LIN7A: variants seen among roughly 807,000 people sequenced by gnomAD.
LIN7A encodes the protein lin-7 cell polarity scaffold A.
Under a neutral mutation model 29.8 loss-of-function variants are expected in LIN7A, and 25 were observed. The ratio of observed to expected loss-of-function variants is 0.84; its 90% CI spans 0.61 to 1.17. The LOEUF (loss-of-function observed/expected upper bound fraction) is 1.17. Among genes scored for constraint, LIN7A ranks in the 50% most tolerant of loss-of-function variants. The pLI, the probability that LIN7A is intolerant of heterozygous loss-of-function variation, is 0.00. For synonymous variants in LIN7A, 118 were observed against 107.5 expected (o/e 1.10, Z -0.60); for missense variants, 239 against 287.0 (o/e 0.83, Z 1.21).
rs1209180588 is a variant in LIN7A, at chr12:80,842,190, T to TC, written c.483+3539dup. The TC allele has an allele frequency of 1.3e-5, 15 of 1,167,154 alleles. No individual in the cohort carries two copies. In the East Asian group the frequency reaches 2.9e-4, roughly 23 times the overall value. The allele number at this position is 1,167,154 out of a possible 1,614,324, so 72.3% of individuals were successfully genotyped here. A position where few individuals can be genotyped will look rare whatever the true frequency, so the allele number is the denominator to read the frequency against. Reference sequence around the variant, plus strand: ...TTGTCTTTATTTTTATTTATTGATTTCCCCCCCTTTCCATCACACTTTATA... The same window carrying TC: ...TTGTCTTTATTTTTATTTATTGATTTCCCCCCCCTTTCCATCACACTTTATA... On this transcript the variant is annotated intron_variant, in intron 4 of 5. Coordinates refer to ENST00000552864, the MANE Select transcript of LIN7A (RefSeq NM_004664.4).
At chr12:80,925,424 A>C (rs1192140805) in intron 1 of LIN7A, among the ~76,000 whole-genome samples, 1 of 152,190 alleles carries the variant, frequency 6.6e-6, no homozygotes, top group African/African-American at 2.4e-5. Context: ...AAGGCAGCAA[A>C]CATTCTCTGT....
intron 2 of LIN7A, among the ~76,000 whole-genome samples, chr12:80,888,050 A>AG (rs1875424053): frequency 6.6e-6 from 1 of 152,118 alleles, no homozygotes. Context: ...TTTCCCACTG[A>AG]GGGGAAGCTA....
At position 80,937,703 on chromosome 12, in the gene LIN7A, G is replaced by T; in HGVS notation, c.20C>A (p.Thr7Asn). 1 of 1,539,438 alleles carries T rather than the reference G, an allele frequency of 6.5e-7. No individual in the cohort carries two copies. The highest frequency in any genetic ancestry group is 8.8e-7 in the Non-Finnish European group (1 of 1,135,630). MLKPSVTSAPTADMATL... is the reference protein window; with the variant it reads MLKPSVNSAPTADMATL... Reference sequence around the variant, plus strand: ...CGCCATGTCTGCCGTGGGAGCCGAAGTGACGCTCGGCTTCAGCATCAGCAA... The same window carrying T: ...CGCCATGTCTGCCGTGGGAGCCGAATTGACGCTCGGCTTCAGCATCAGCAA... Residue 7 changes from threonine to asparagine, a missense_variant, in exon 1 of 6, where the codon ACT becomes AAT. By Grantham distance (65) the Thr-to-Asn change is moderately conservative. Transcript: ENST00000552864.
intron 5 of LIN7A, among the ~76,000 whole-genome samples, chr12:80,807,079 T>TTTTTTTTTTG (rs1871058278): frequency 1.5e-5 from 2 of 131,916 alleles, no homozygotes; most frequent in Non-Finnish European, 3.2e-5. Context: ...TTTTTTTTTT[T>TTTTTTTTTTG]TTTTTTTTTT....
At chr12:80,890,191 T>A (rs904593254) in intron 1 of LIN7A, among the ~76,000 whole-genome samples, 5 of 152,218 alleles carry the variant, frequency 3.3e-5, no homozygotes, top group African/African-American at 1.2e-4. Context: ...ATTCCCTGGA[T>A]TATTTCATAT....
At chr12:80,879,251 T>C (rs1203439072) in intron 2 of LIN7A, among the ~76,000 whole-genome samples, 4 of 151,682 alleles carry the variant, frequency 2.6e-5, no homozygotes, top group Non-Finnish European at 5.9e-5. Context: ...TATTAATTAG[T>C]CTTTATTTGG....
intron 2 of LIN7A, among the ~76,000 whole-genome samples, chr12:80,861,900 G>A (rs1362396339): frequency 6.6e-6 from 1 of 152,210 alleles, no homozygotes; most frequent in Non-Finnish European, 1.5e-5. Flanking sequence ...TCTTGCACCA[G>A]ATTGTATGTA....
In LIN7A at chr12:80,887,657, A is replaced by G. The variant is rs1875402742; in HGVS notation, c.201+1594T>C. Among the ~76,000 whole-genome samples, 8 of 152,212 alleles carry G rather than the reference A, an allele frequency of 5.3e-5. No individual in the cohort carries two copies. The South Asian group carries it at 1.7e-3, about 32-fold the overall frequency. On this transcript the variant is annotated intron_variant, in intron 2 of 5. Transcript: ENST00000552864. ...AATAGAGCTTCAACATGACCCCTCT[A>G]ATCCTGCTTTATTTCTCTCCAGTCT...
intron 2 of LIN7A, among the ~76,000 whole-genome samples, chr12:80,871,804 G>A (rs1874440379): frequency 6.6e-6 from 1 of 151,756 alleles, no homozygotes; most frequent in Admixed American, 6.6e-5. Context: ...GTAGACAAAT[G>A]TAAACCTTTT....
intron 2 of LIN7A, among the ~76,000 whole-genome samples, chr12:80,884,279 A>AT (rs1875216810): frequency 6.6e-6 from 1 of 152,170 alleles, no homozygotes; most frequent in South Asian, 2.1e-4. Flanking sequence ...GCCAAAGTAG[A>AT]TTTGGTTTGA....
At chr12:80,902,222 T>TG (rs1876255127) in intron 1 of LIN7A, among the ~76,000 whole-genome samples, 1 of 150,950 alleles carries the variant, frequency 6.6e-6, no homozygotes, top group South Asian at 2.1e-4. Context: ...TATGTGTTTT[T>TG]TTTTTTTTTT....
At chr12:80,885,974 C>T (rs1183314161) in intron 2 of LIN7A, among the ~76,000 whole-genome samples, 1 of 152,004 alleles carries the variant, frequency 6.6e-6, no homozygotes, top group Non-Finnish European at 1.5e-5. Flanking sequence ...CTTTTTTGAG[C>T]ATAATTTATG....
chr12:80,873,968 T>C (rs1874557667), intron 2 of LIN7A, among the ~76,000 whole-genome samples: 1 of 152,060 alleles, frequency 6.6e-6, no homozygotes, highest in Non-Finnish European at 1.5e-5. Flanking sequence ...TTCTAGGTGC[T>C]AGCAAATAGG....
intron 4 of LIN7A, among the ~76,000 whole-genome samples, chr12:80,819,440 A>G (rs1217125385): frequency 6.6e-6 from 1 of 152,232 alleles, no homozygotes; most frequent in African/African-American, 2.4e-5. Flanking sequence ...GCTAATATCT[A>G]TCACAAGTGC....
At chr12:80,801,131 CTG>C (rs768643628) in intron 5 of LIN7A, among the ~76,000 whole-genome samples, 107 of 151,814 alleles carry the variant, frequency 7.0e-4, no homozygotes, top group African/African-American at 2.4e-3. Flanking sequence ...GGAGAAAAAA[CTG>C]TGTACTAAAA....
intron 4 of LIN7A, among the ~76,000 whole-genome samples, chr12:80,840,587 CTA>C (rs1872764072): frequency 6.8e-6 from 1 of 147,300 alleles, no homozygotes; most frequent in Admixed American, 6.9e-5. Flanking sequence ...TTAAAAAAAA[CTA>C]TAAAGTACTA....
rs946397356 is a variant in LIN7A at position 80,795,119 on chromosome 12, G to T, written c.*2608C>A. The T allele has an allele frequency of 6.6e-6, 1 of 151,980 alleles. No individual in the cohort carries two copies. Among genetic ancestry groups the T allele is most frequent in the African/African-American group, 2.4e-5 (1 of 41,382 alleles). The allele number at this position is 151,980 out of a possible 1,614,324, so 9.4% of individuals were successfully genotyped here. A position where few individuals can be genotyped will look rare whatever the true frequency, so the allele number is the denominator to read the frequency against. On this transcript the variant is annotated 3_prime_UTR_variant, in exon 6 of 6. Coordinates refer to ENST00000552864, the MANE Select transcript of LIN7A (RefSeq NM_004664.4). ...GCAGGTTTTTATTTTAATATAATTTGGGACATGTCAGTGGCTCTAATATGA... is the reference window on the plus strand; with the variant it reads ...GCAGGTTTTTATTTTAATATAATTTTGGACATGTCAGTGGCTCTAATATGA...
At chr12:80,836,415 G>A (rs1872590761) in intron 4 of LIN7A, among the ~76,000 whole-genome samples, 1 of 152,196 alleles carries the variant, frequency 6.6e-6, no homozygotes, top group Non-Finnish European at 1.5e-5. Flanking sequence ...CCAGCACTTT[G>A]GAAGGCCAAG....
In LIN7A at chr12:80,807,102, C is replaced by T. The variant is rs1406107042; in HGVS notation, c.*4363G>A. Among the ~76,000 whole-genome samples the T allele has an allele frequency of 3.4e-4, 11 of 32,416 alleles. No homozygotes were observed. The South Asian group carries it at 6.0e-3, about 18-fold the overall frequency. The allele number at this position is 32,416 out of a possible 152,430, so 21.3% of individuals were successfully genotyped here. A position where few individuals can be genotyped will look rare whatever the true frequency, so the allele number is the denominator to read the frequency against. On this transcript the variant is annotated intron_variant, in intron 5 of 5. Coordinates refer to ENST00000552864, the MANE Select transcript of LIN7A (RefSeq NM_004664.4). ...TTTTTTTTTTTTTTTGACGGAGTCT[C>T]GCTCTGTCACCCAGGCTGGAGTGCA...
Sources: allele counts gnomAD v4.1 joint callset (sites outside exome capture counted in the v4.1 genomes callset), GRCh38; gene constraint gnomAD v4.1.1; transcripts MANE v1.5; gene names NCBI Gene and HGNC (gene_info 2026-07-23, HGNC 2026-07-21).